The following RAB8B variants were observed in gnomAD, a reference collection of about 807,000 sequenced individuals.
RAB8B encodes the protein RAB8B, member RAS oncogene family.
Under a neutral mutation model 32.0 loss-of-function variants are expected in RAB8B, and 11 were observed. The ratio of observed to expected loss-of-function variants is 0.34; its 90% CI spans 0.22 to 0.57. RAB8B has a LOEUF of 0.57. Among genes scored for constraint, RAB8B ranks in the 20% least tolerant of loss-of-function variants. The probability of loss-of-function intolerance (pLI) is 0.86; values close to 1 mark genes in which losing one functional copy is unlikely to be tolerated. For synonymous variants in RAB8B, 103 were observed against 89.6 expected (o/e 1.15, Z -0.85); for missense variants, 190 against 258.5 (o/e 0.73, Z 1.82).
chr15:63,195,664 C>G (rs1347449632), intron 1 of RAB8B, among the ~76,000 whole-genome samples: 3 of 152,242 alleles, frequency 2.0e-5, no homozygotes, highest in Non-Finnish European at 2.9e-5. Flanking sequence ...CTGCTGGCCT[C>G]AGGCCAGCTC....
chr15:63,207,252 T>C (rs142186598), intron 1 of RAB8B, among the ~76,000 whole-genome samples: 10 of 152,334 alleles, frequency 6.6e-5, no homozygotes, highest in African/African-American at 2.4e-4. Context: ...AGATCCATTA[T>C]GGTTCTCATC....
chr15:63,259,120 T>A lies in RAB8B; in HGVS notation c.415-507T>A, dbSNP rs1054438700. On this transcript the variant is annotated intron_variant, in intron 5 of 7. Transcript: ENST00000321437. This position sits in a 1 kb window ranked among gnomAD's most constrained non-coding sequence, Gnocchi z 4.4. ...AGTACTTAAATTATTATTATTATTT[T>A]ATTTATTTATTTATTTTGAGACAGA... 1.3e-5 allele frequency among the ~76,000 whole-genome samples: 2 copies of A among 151,874 alleles called. No individual in the cohort carries two copies. Among genetic ancestry groups the A allele is most frequent in the Non-Finnish European group, 2.9e-5 (2 of 67,966 alleles).
At chr15:63,227,018 C>T (rs1411276988) in intron 1 of RAB8B, among the ~76,000 whole-genome samples, 2 of 152,098 alleles carry the variant, frequency 1.3e-5, no homozygotes, top group South Asian at 2.1e-4. Context: ...GCAGTGACAA[C>T]GACCAGAGGT....
intron 1 of RAB8B, 55 bp downstream of exon 1, chr15:63,189,803 G>A (rs1232670527): frequency 3.4e-6 from 5 of 1,464,236 alleles, no homozygotes; most frequent in Non-Finnish European, 4.6e-6. Flanking sequence ...GCGGGTACTA[G>A]GGGACGGGGA....
intron 1 of RAB8B, among the ~76,000 whole-genome samples, chr15:63,193,390 G>T (rs1234670446): frequency 6.6e-6 from 1 of 152,166 alleles, no homozygotes; most frequent in Non-Finnish European, 1.5e-5. Context: ...TTAGTTAACT[G>T]TGAGGAAAGG....
At chr15:63,230,672 G>A (rs1310815834) in intron 1 of RAB8B, among the ~76,000 whole-genome samples, 6 of 152,144 alleles carry the variant, frequency 3.9e-5, no homozygotes, top group African/African-American at 1.4e-4. Flanking sequence ...CAGGCCTGCA[G>A]GAGAGAGTAT....
intron 3 of RAB8B, among the ~76,000 whole-genome samples, chr15:63,254,195 C>T (rs1425868323): frequency 6.6e-6 from 1 of 152,168 alleles, no homozygotes; most frequent in Admixed American, 6.5e-5. Flanking sequence ...CACCGCAGCT[C>T]CTAGCCCTTT....
At chr15:63,234,503 G>A (rs1383572512) in intron 1 of RAB8B, among the ~76,000 whole-genome samples, 1 of 152,184 alleles carries the variant, frequency 6.6e-6, no homozygotes, top group Non-Finnish European at 1.5e-5. Flanking sequence ...TTCCCTGTTA[G>A]ATCTGTTAAC....
intron 1 of RAB8B, among the ~76,000 whole-genome samples, chr15:63,211,709 G>C (rs1054233442): frequency 6.6e-6 from 1 of 151,994 alleles, no homozygotes; most frequent in Non-Finnish European, 1.5e-5. Flanking sequence ...GTCATATATT[G>C]ACTGACACTA....
Position 63,251,353 on chromosome 15 carries a change from T to C in RAB8B, c.246+1648T>C, listed in dbSNP as rs78839721. The stretch of plus-strand genomic sequence containing the variant: ...TGGAATAGTTTACAGGTAATTCTGA[T>C]TAGAGGCATCTTAGACACACATGCC... On this transcript the variant is annotated intron_variant, in intron 3 of 7. Coordinates refer to ENST00000321437, the MANE Select transcript of RAB8B (RefSeq NM_016530.3). 1.5e-5 allele frequency: 7 copies of C among 455,578 alleles called. No individual in the cohort carries two copies. The East Asian group carries it at 4.9e-4, about 32-fold the overall frequency. 28.2% of individuals were successfully genotyped at this position (455,578 alleles called of 1,614,324 possible).
At chr15:63,189,827 G>T (rs1398253037) in intron 1 of RAB8B, 79 bp downstream of exon 1, 2 of 1,390,632 alleles carry the variant, frequency 1.4e-6, no homozygotes, top group African/African-American at 3.0e-5. Flanking sequence ...GGCGGGGGGC[G>T]CTTGGGAGCC....
chr15:63,236,420 T>C (rs1354343597), intron 1 of RAB8B, among the ~76,000 whole-genome samples: 1 of 152,138 alleles, frequency 6.6e-6, no homozygotes, highest in African/African-American at 2.4e-5. Context: ...TGGAAATACC[T>C]TTGGAATCTT....
At chr15:63,243,494 A>G (rs2038048275) in intron 1 of RAB8B, among the ~76,000 whole-genome samples, 1 of 152,150 alleles carries the variant, frequency 6.6e-6, no homozygotes, top group Non-Finnish European at 1.5e-5. Context: ...TGAAATTGAT[A>G]AATAAGTTTT....
At chr15:63,262,416 A>C (rs77874149) in intron 6 of RAB8B, among the ~76,000 whole-genome samples, 2,029 of 152,258 alleles carry the variant, frequency 0.013, 43 homozygotes, top group African/African-American at 0.047. Context: ...TACTTTCTTA[A>C]TGTAAAGCTT....
At chr15:63,249,777 A>G (rs1220355567) in intron 3 of RAB8B, 72 bp downstream of exon 3, 2 of 1,454,362 alleles carry the variant, frequency 1.4e-6, no homozygotes, top group Non-Finnish European at 1.9e-6. Flanking sequence ...CCAAGATTAT[A>G]GGATTCAAGA....
intron 1 of RAB8B, among the ~76,000 whole-genome samples, chr15:63,196,906 A>G (rs921410249): frequency 1.3e-5 from 2 of 152,222 alleles, no homozygotes; most frequent in African/African-American, 4.8e-5. Context: ...ACCCCCCACT[A>G]ACATAAATAC....
intron 1 of RAB8B, among the ~76,000 whole-genome samples, chr15:63,201,045 A>G (rs2037644319): frequency 6.6e-6 from 1 of 151,876 alleles, no homozygotes; most frequent in South Asian, 2.1e-4. Flanking sequence ...TAGATTTCCA[A>G]GAACCTCTTT....
chr15:63,218,689 G>T (rs1003649631), intron 1 of RAB8B, among the ~76,000 whole-genome samples: 4 of 152,086 alleles, frequency 2.6e-5, no homozygotes, highest in Non-Finnish European at 5.9e-5. Context: ...TCTCTCTTTT[G>T]TTTCTTGGCC....
chr15:63,211,457 T>C (rs2037745839), intron 1 of RAB8B, among the ~76,000 whole-genome samples: 1 of 152,240 alleles, frequency 6.6e-6, no homozygotes, highest in Non-Finnish European at 1.5e-5. Context: ...TTAACCCTAT[T>C]ATATCCTTAA....
Sources: allele counts gnomAD v4.1 joint callset (sites outside exome capture counted in the v4.1 genomes callset), GRCh38; gene constraint gnomAD v4.1.1; non-coding constraint Gnocchi (gnomAD v3.1); transcripts MANE v1.5; gene names NCBI Gene and HGNC (gene_info 2026-07-23, HGNC 2026-07-21).